Variants in ANKRD17 observed in about 807,000 individuals in gnomAD.
The protein encoded by ANKRD17 is ankyrin repeat domain-containing protein 17.
Under a neutral mutation model 229.7 loss-of-function variants are expected in ANKRD17, and 19 were observed. The ratio of observed to expected loss-of-function variants is 0.08; its 90% CI spans 0.06 to 0.12. ANKRD17 has a LOEUF of 0.12. Ranked by LOEUF, ANKRD17 falls within the 10% of genes least tolerant of loss-of-function variation. ANKRD17 has a pLI of 1.00. For synonymous variants in ANKRD17, 1,112 were observed against 1,146.1 expected (o/e 0.97, Z 0.60); for missense variants, 2,176 against 3,176.8 (o/e 0.68, Z 7.57).
intron 30 of ANKRD17, among the ~76,000 whole-genome samples, chr4:73,083,584 T>C (rs1054991104): frequency 6.6e-6 from 1 of 152,184 alleles, no homozygotes; most frequent in Non-Finnish European, 1.5e-5. Flanking sequence ...ATAAAAGCAA[T>C]TGTAATGCCC....
At chr4:73,084,209 C>G (rs1295758642) in intron 30 of ANKRD17, among the ~76,000 whole-genome samples, 6 of 152,078 alleles carry the variant, frequency 3.9e-5, no homozygotes, top group African/African-American at 1.4e-4. Context: ...GTGAAACTGT[C>G]TCTACTAAAA....
intron 12 of ANKRD17, 58 bp downstream of exon 12, chr4:73,142,582 C>T (rs1729749226): frequency 1.2e-6 from 2 of 1,612,160 alleles, no homozygotes; most frequent in Admixed American, 3.4e-5. Flanking sequence ...TATGTTGTAA[C>T]AATGACCAAG....
intron 1 of ANKRD17, among the ~76,000 whole-genome samples, chr4:73,229,226 T>C (rs1578469579): frequency 1.3e-5 from 2 of 152,298 alleles, no homozygotes; most frequent in African/African-American, 4.8e-5. Context: ...GGCACATGTA[T>C]ACATATGTAA....
chr4:73,102,275 T>C, intron 25 of ANKRD17, 101 bp downstream of exon 25: 3 of 1,269,140 alleles, frequency 2.4e-6, no homozygotes, highest in Non-Finnish European at 3.2e-6. Flanking sequence ...TGTTAAGGGG[T>C]TAATAACTTG....
Position 73,098,141 on chromosome 4 carries a change from C to T in ANKRD17, c.4953G>A (p.Lys1651=), listed in dbSNP as rs1365264099. The part of the protein sequence containing the change: ...AVVTTTVSSK[K]QPSVLVTFPK... ...GAAATGTAACAAGAACTGATGGCTGCTTTTTGCTGCTCACAGTGGTAGTGA... is the reference window on the plus strand; with the variant it reads ...GAAATGTAACAAGAACTGATGGCTGTTTTTTGCTGCTCACAGTGGTAGTGA... The change falls in exon 26 of 34, where the codon AAG becomes AAA. Residue 1651 remains lysine (K), a synonymous_variant. Transcript: ENST00000358602. 6.2e-7 allele frequency: 1 copy of T among 1,613,762 alleles called. No homozygotes were observed. The highest frequency in any genetic ancestry group is 1.3e-5 in the African/African-American group (1 of 75,044).
At chr4:73,253,070 G>A (rs531581546) in intron 1 of ANKRD17, among the ~76,000 whole-genome samples, 16 of 152,252 alleles carry the variant, frequency 1.1e-4, no homozygotes, top group African/African-American at 2.9e-4. Flanking sequence ...ATGAGGAGGC[G>A]TAGAATCTAA....
chr4:73,184,521 T>G (rs1429593462), intron 1 of ANKRD17, among the ~76,000 whole-genome samples: 23 of 128,138 alleles, frequency 1.8e-4, no homozygotes, highest in Non-Finnish European at 3.1e-4. Flanking sequence ...AGAGCTAGAC[T>G]TCCTCTCAAA....
Position 73,230,830 on chromosome 4 carries a change from G to A in ANKRD17, c.393+27446C>T, listed in dbSNP as rs554659597. Among the ~76,000 whole-genome samples the A allele has an allele frequency of 2.6e-5, 4 of 152,206 alleles. No individual in the cohort carries two copies. In the South Asian group the frequency reaches 6.2e-4, roughly 24 times the overall value. On this transcript the variant is annotated intron_variant, in intron 1 of 33. Transcript: ENST00000358602. Reference sequence around the variant, plus strand: ...TAATAGTTGTGTCTGTTGGACACTCGCATTTGTTGTCTCTACCCATGGTGG... The same window carrying A: ...TAATAGTTGTGTCTGTTGGACACTCACATTTGTTGTCTCTACCCATGGTGG...
At chr4:73,153,321 TTAA>T (rs1731244928) in intron 6 of ANKRD17, among the ~76,000 whole-genome samples, 1 of 152,122 alleles carries the variant, frequency 6.6e-6, no homozygotes, top group African/African-American at 2.4e-5. Context: ...AAAAACTTCC[TTAA>T]TAAAAAATTT....
intron 5 of ANKRD17, among the ~76,000 whole-genome samples, chr4:73,155,055 A>G (rs1731489527): frequency 6.6e-6 from 1 of 151,786 alleles, no homozygotes; most frequent in South Asian, 2.1e-4. Context: ...AAAAAAAAAA[A>G]AAATTTAATA....
intron 1 of ANKRD17, among the ~76,000 whole-genome samples, chr4:73,253,093 C>G (rs1429997974): frequency 1.3e-5 from 2 of 152,212 alleles, no homozygotes; most frequent in Non-Finnish European, 1.5e-5. Context: ...GTCCCAGGTT[C>G]AATCCCATTC....
chr4:73,170,265 C>T (rs952443700), intron 2 of ANKRD17, among the ~76,000 whole-genome samples: 6 of 151,954 alleles, frequency 3.9e-5, no homozygotes, highest in Admixed American at 2.0e-4. Context: ...CAGTCAGATT[C>T]GTGAGGCCCC....
At chr4:73,249,917 C>T (rs1417983844) in intron 1 of ANKRD17, among the ~76,000 whole-genome samples, 1 of 152,118 alleles carries the variant, frequency 6.6e-6, no homozygotes, top group Non-Finnish European at 1.5e-5. Context: ...GTAAAATCTA[C>T]AGTCCTCCTC....
intron 2 of ANKRD17, among the ~76,000 whole-genome samples, chr4:73,168,526 G>A (rs1383163735): frequency 6.6e-6 from 1 of 152,000 alleles, no homozygotes; most frequent in African/African-American, 2.4e-5. Context: ...AAAATACCAC[G>A]ATGATTCACA....
chr4:73,140,220 A>T lies in ANKRD17; in HGVS notation c.2396T>A (p.Ile799Asn), dbSNP rs1397364797. 1.2e-6 allele frequency: 2 copies of T among 1,613,004 alleles called. No individual in the cohort carries two copies. The highest frequency in any genetic ancestry group is 1.7e-6 in the Non-Finnish European group (2 of 1,179,788). The change falls in exon 15 of 34, where the codon ATC becomes AAC. Residue 799 changes from isoleucine (I) to asparagine (N), a missense_variant. Coordinates refer to ENST00000358602, the MANE Select transcript of ANKRD17 (RefSeq NM_032217.5). ...PANSQDVQGYITNQSPESIVE... is the reference protein window; with the variant it reads ...PANSQDVQGYNTNQSPESIVE... ...AATGCTCTCTGGAGACTGATTGGTGATGTAACCCTGTACATCCTGGCTGTT... is the reference window on the plus strand; with the variant it reads ...AATGCTCTCTGGAGACTGATTGGTGTTGTAACCCTGTACATCCTGGCTGTT...
chr4:73,225,971 A>C (rs1395008733), intron 1 of ANKRD17, among the ~76,000 whole-genome samples: 1 of 132,040 alleles, frequency 7.6e-6, no homozygotes, highest in Admixed American at 7.9e-5. Context: ...CAGGCTCTTA[A>C]GCTTTTTTTT....
At chr4:73,099,212 G>T in intron 25 of ANKRD17, 1 of 610,120 alleles carries the variant, frequency 1.6e-6, no homozygotes, top group Non-Finnish European at 3.1e-6. Context: ...CTTTTGCTCC[G>T]CTCCCACCGC....
Position 73,139,781 on chromosome 4 carries a change from A to G in ANKRD17, c.2835T>C (p.Ala945=), listed in dbSNP as rs767711972. ...GGATTGGCGCAAAACCCATCTGAGC[A>G]GCAGTCTGCTGGGGTTCATCTTTAA... ...VLLKDEPQQT[A]AQMGFAPIQP... The change falls in exon 15 of 34, where the codon GCT becomes GCC. Residue 945 remains alanine (A), a synonymous_variant. Transcript: ENST00000358602. 4 of 1,614,122 alleles carry G rather than the reference A, an allele frequency of 2.5e-6. No homozygotes were observed. Among genetic ancestry groups the G allele is most frequent in the South Asian group, 2.2e-5 (2 of 91,092 alleles).
chr4:73,218,617 T>C (rs1387352651), intron 1 of ANKRD17, among the ~76,000 whole-genome samples: 7 of 133,830 alleles, frequency 5.2e-5, no homozygotes, highest in Non-Finnish European at 7.7e-5. Context: ...CACTCTAGCC[T>C]GGGTGACAGA....
Sources: allele counts gnomAD v4.1 joint callset (sites outside exome capture counted in the v4.1 genomes callset), GRCh38; gene constraint gnomAD v4.1.1; transcripts MANE v1.5; gene names NCBI Gene and HGNC (gene_info 2026-07-23, HGNC 2026-07-21).